The following CDPF1 variants were observed in gnomAD, a reference collection of about 807,000 sequenced individuals.
The protein encoded by CDPF1 is cysteine-rich DPF motif domain-containing protein 1.
In CDPF1, 8 loss-of-function variants were observed where a neutral mutation model predicts 8.3. The observed-to-expected ratio is 0.96, with a 90% CI of 0.57 to 1.74. CDPF1 has a LOEUF of 1.74. Among genes scored for constraint, CDPF1 ranks in the 40% most tolerant of loss-of-function variants. The pLI is 0.00. For missense variants in CDPF1, 151 were observed against 155.3 expected (o/e 0.97, Z 0.15); for synonymous variants, 62 against 62.9 (o/e 0.99, Z 0.07).
Position 46,246,607 on chromosome 22 carries a change from C to A in CDPF1, c.225+503G>T. 1.3e-6 allele frequency: 2 copies of A among 1,520,692 alleles called. No homozygotes were observed. The highest frequency in any genetic ancestry group is 1.8e-6 in the Non-Finnish European group (2 of 1,130,052). 94.2% of individuals were successfully genotyped at this position (1,520,692 alleles called of 1,614,324 possible). On this transcript the variant is annotated intron_variant, in intron 3 of 3. Coordinates refer to ENST00000314567, the MANE Select transcript of CDPF1 (RefSeq NM_207327.5). This position sits in a 1 kb window ranked among gnomAD's most constrained non-coding sequence, Gnocchi z 7.1. ...TTACAGCTACCCAGGTGAACCTGGC[C>A]CACCCAGCCTCTCTGAAGCTCAGTT... is the stretch of plus-strand genomic sequence containing the variant.
rs1225323528 is a variant in CDPF1 at position 46,244,870 on chromosome 22, G to A, written c.*222C>T. 5.4e-6 allele frequency: 3 copies of A among 554,138 alleles called. No homozygotes were observed. Among genetic ancestry groups the A allele is most frequent in the South Asian group, 2.1e-5 (1 of 47,114 alleles). 34.3% of individuals were successfully genotyped at this position (554,138 alleles called of 1,614,324 possible). A position where few individuals can be genotyped will look rare whatever the true frequency, so the allele number is the denominator to read the frequency against. ...GGGGGACCTGGCCGGGTTCCTGGCT[G>A]TGTCTTGTCTGGCATCTGCCTTTGG... On this transcript the variant is annotated 3_prime_UTR_variant, in exon 4 of 4. Transcript: ENST00000314567. This position sits in a 1 kb window ranked among gnomAD's most constrained non-coding sequence, Gnocchi z 6.7.
At position 46,245,136 on chromosome 22, in the gene CDPF1, C is replaced by T. The variant is rs780920766; in HGVS notation, c.328G>A (p.Ala110Thr). ...EIRQDLEKRK[A>T]PSKRTPSQPG... is the part of the protein sequence containing the mutation. ...TGGCTGGGGGTCCTCTTTGATGGAG[C>T]TTTCCTTTTCTCCAAGTCTTGCCGA... The change falls in exon 4 of 4, where the codon GCT becomes ACT. Residue 110 changes from alanine to threonine, a missense_variant. Physicochemically the swap from Ala to Thr is moderately conservative, Grantham distance 58 (BLOSUM62 0). Coordinates refer to ENST00000314567, the MANE Select transcript of CDPF1 (RefSeq NM_207327.5). The surrounding 1 kb of genome is among the most constrained non-coding windows in gnomAD (Gnocchi z 6.9). 9.3e-6 allele frequency: 15 copies of T among 1,614,260 alleles called. No homozygotes were observed. Among genetic ancestry groups the T allele is most frequent in the Non-Finnish European group, 1.2e-5 (14 of 1,180,040 alleles).
At position 46,247,334 on chromosome 22, in the gene CDPF1, T is replaced by C. The variant is rs1936507194; in HGVS notation, c.114-113A>G. 5.5e-6 allele frequency: 4 copies of C among 725,616 alleles called. No individual in the cohort carries two copies. In the East Asian group the frequency reaches 1.1e-4, roughly 20 times the overall value. 44.9% of individuals were successfully genotyped at this position (725,616 alleles called of 1,614,324 possible). A position where few individuals can be genotyped will look rare whatever the true frequency, so the allele number is the denominator to read the frequency against. ...TGCACCTCTGCAGGGCCTGCATACC[T>C]GCGTGGGCTCATCAGGGCAGGGGAC... On this transcript the variant is annotated intron_variant, in intron 2 of 3. Transcript: ENST00000314567. This position sits in a 1 kb window ranked among gnomAD's most constrained non-coding sequence, Gnocchi z 4.3.
At position 46,244,681 on chromosome 22, in the gene CDPF1, C is replaced by T; in HGVS notation, c.*411G>A. ...GTCAGTGATTTTCCTTACAGAGAGA[C>T]CATTGCAGCCACCTACAGTGCACCA... is the stretch of plus-strand genomic sequence containing the variant. On this transcript the variant is annotated 3_prime_UTR_variant, in exon 4 of 4. Transcript: ENST00000314567. This position sits in a 1 kb window ranked among gnomAD's most constrained non-coding sequence, Gnocchi z 6.7. 1 of 184,828 alleles carries T rather than the reference C, an allele frequency of 5.4e-6. No homozygotes were observed. Among genetic ancestry groups the T allele is most frequent in the Non-Finnish European group, 1.1e-5 (1 of 87,586 alleles). The allele number at this position is 184,828 out of a possible 1,614,324, so 11.4% of individuals were successfully genotyped here.
In CDPF1 at chr22:46,247,154, C is replaced by T. The variant is rs1372419575; in HGVS notation, c.181G>A (p.Gly61Ser). The T allele has an allele frequency of 8.7e-6, 14 of 1,614,036 alleles. No individual in the cohort carries two copies. The highest frequency in any genetic ancestry group is 1.2e-5 in the Non-Finnish European group (14 of 1,180,006). ...TSDKDRFLVL[G>S]SCCSLCSRLV... ...CTGCTGCACAAACTGCAGCACGAGC[C>T]GAGGACCAGGAATCTGTCCTTGTCG... is the stretch of plus-strand genomic sequence containing the variant. Residue 61 changes from glycine to serine, a missense_variant, in exon 3 of 4, where the codon GGC (glycine) becomes AGC (serine). Transcript: ENST00000314567. The surrounding 1 kb of genome is among the most constrained non-coding windows in gnomAD (Gnocchi z 4.3).
In CDPF1 at chr22:46,249,218, C is replaced by A. The variant is rs1370834404; in HGVS notation, c.1-934G>T. On this transcript the variant is annotated intron_variant, in intron 1 of 3. Transcript: ENST00000314567. The surrounding 1 kb of genome is among the most constrained non-coding windows in gnomAD (Gnocchi z 4.6). ...ATGGAATCAAGTACGACATTATCAG[C>A]TGGCCCCTAGCTCTTGGCTGTGACC... Among the ~76,000 whole-genome samples, 6 of 152,186 alleles carry A rather than the reference C, an allele frequency of 3.9e-5. No individual in the cohort carries two copies. Among genetic ancestry groups the A allele is most frequent in the Non-Finnish European group, 4.4e-5 (3 of 68,044 alleles).
chr22:46,248,574 G>C lies in CDPF1; in HGVS notation c.1-290C>G, dbSNP rs767046894. On this transcript the variant is annotated intron_variant, in intron 1 of 3. Coordinates refer to ENST00000314567, the MANE Select transcript of CDPF1 (RefSeq NM_207327.5). The surrounding 1 kb of genome is among the most constrained non-coding windows in gnomAD (Gnocchi z 4.1). Reference sequence around the variant, plus strand: ...CTTCCAGGTCTGCACCACGGTAAAAGCGTTCCGGTCTCCTGCTCTGCCCCA... The same window carrying C: ...CTTCCAGGTCTGCACCACGGTAAAACCGTTCCGGTCTCCTGCTCTGCCCCA... 6.6e-6 allele frequency among the ~76,000 whole-genome samples: 1 copy of C among 152,220 alleles called. No individual in the cohort carries two copies. The highest frequency in any genetic ancestry group is 1.9e-4 in the East Asian group (1 of 5,198).
chr22:46,246,120 C>T lies in CDPF1; in HGVS notation c.226-882G>A, dbSNP rs141455185. On this transcript the variant is annotated intron_variant, in intron 3 of 3. Coordinates refer to ENST00000314567, the MANE Select transcript of CDPF1 (RefSeq NM_207327.5). The surrounding 1 kb of genome is among the most constrained non-coding windows in gnomAD (Gnocchi z 7.1). ...GTCTGTTCTTAAAGCTTAGTGTGCT[C>T]GCAAACATAAGGCTGCCCTCCTGCA... 1.3e-5 allele frequency among the ~76,000 whole-genome samples: 2 copies of T among 152,284 alleles called. No homozygotes were observed. Among genetic ancestry groups the T allele is most frequent in the Non-Finnish European group, 1.5e-5 (1 of 68,018 alleles).
Position 46,248,309 on chromosome 22 carries a change from C to G in CDPF1, c.1-25G>C, listed in dbSNP as rs1484541219. 1.3e-6 allele frequency: 2 copies of G among 1,481,760 alleles called. No individual in the cohort carries two copies. The highest frequency in any genetic ancestry group is 1.9e-6 in the Non-Finnish European group (2 of 1,064,872). 91.8% of individuals were successfully genotyped at this position (1,481,760 alleles called of 1,614,324 possible). A position where few individuals can be genotyped will look rare whatever the true frequency, so the allele number is the denominator to read the frequency against. ...TCTGCAAGATCAAGAGATGGGGTGT[C>G]CCTGGGTCACAGGCTTTCTCAGGAA... On this transcript the variant is annotated intron_variant, in intron 1 of 3. Coordinates refer to ENST00000314567, the MANE Select transcript of CDPF1 (RefSeq NM_207327.5). This position sits in a 1 kb window ranked among gnomAD's most constrained non-coding sequence, Gnocchi z 4.1.
At position 46,247,292 on chromosome 22, in the gene CDPF1, G is replaced by T; in HGVS notation, c.114-71C>A. Reference sequence around the variant, plus strand: ...GTCGGAAAATCAGCCATGACCTATGGCCAGGCAGCAGCAGCCTGCACCTCT... The same window carrying T: ...GTCGGAAAATCAGCCATGACCTATGTCCAGGCAGCAGCAGCCTGCACCTCT... On this transcript the variant is annotated intron_variant, in intron 2 of 3. Transcript: ENST00000314567. The surrounding 1 kb of genome is among the most constrained non-coding windows in gnomAD (Gnocchi z 4.3). The T allele has an allele frequency of 9.4e-7, 1 of 1,062,464 alleles. No homozygotes were observed. The highest frequency in any genetic ancestry group is 1.4e-6 in the Non-Finnish European group (1 of 698,276). The allele number at this position is 1,062,464 out of a possible 1,614,324, so 65.8% of individuals were successfully genotyped here.
chr22:46,249,234 G>A lies in CDPF1; in HGVS notation c.1-950C>T, dbSNP rs919708963. Among the ~76,000 whole-genome samples the A allele has an allele frequency of 3.9e-5, 6 of 152,134 alleles. No individual in the cohort carries two copies. Among genetic ancestry groups the A allele is most frequent in the Admixed American group, 1.3e-4 (2 of 15,278 alleles). On this transcript the variant is annotated intron_variant, in intron 1 of 3. Transcript: ENST00000314567. This position sits in a 1 kb window ranked among gnomAD's most constrained non-coding sequence, Gnocchi z 4.6. ...CATTATCAGCTGGCCCCTAGCTCTTGGCTGTGACCTCCCCTCGCCTGAACT... is the reference window on the plus strand; with the variant it reads ...CATTATCAGCTGGCCCCTAGCTCTTAGCTGTGACCTCCCCTCGCCTGAACT...
At position 46,247,567 on chromosome 22, in the gene CDPF1, C is replaced by G. The variant is rs1284399802; in HGVS notation, c.114-346G>C. Among the ~76,000 whole-genome samples, 2 of 152,172 alleles carry G rather than the reference C, an allele frequency of 1.3e-5. No homozygotes were observed. Among genetic ancestry groups the G allele is most frequent in the African/African-American group, 2.4e-5 (1 of 41,454 alleles). ...GGCACAAGGCTGCCACCTGAATACC[C>G]CAGGCCTCCCTACACCCCAAGCCAC... is the stretch of plus-strand genomic sequence containing the variant. On this transcript the variant is annotated intron_variant, in intron 2 of 3. Coordinates refer to ENST00000314567, the MANE Select transcript of CDPF1 (RefSeq NM_207327.5). The surrounding 1 kb of genome is among the most constrained non-coding windows in gnomAD (Gnocchi z 4.3).
Sources: allele counts gnomAD v4.1 joint callset (sites outside exome capture counted in the v4.1 genomes callset), GRCh38; gene constraint gnomAD v4.1.1; non-coding constraint Gnocchi (gnomAD v3.1); transcripts MANE v1.5; gene names NCBI Gene and HGNC (gene_info 2026-07-23, HGNC 2026-07-21).